The following NR2F1-AS1 variants were observed in gnomAD, a reference collection of about 807,000 sequenced individuals.
NR2F1-AS1 encodes the protein NR2F1 regulatory antisense RNA 1, also known as NR2F1 antisense RNA 1.
chr5:93,516,570 ATAAG>A (rs1399974169), intron 4 of NR2F1-AS1, among the ~76,000 whole-genome samples: 5 of 151,906 alleles, frequency 3.3e-5, no homozygotes, highest in African/African-American at 1.2e-4. Flanking sequence ...TATAAGTTAT[ATAAG>A]TAAGTATAAT....
chr5:93,421,805 C>A (rs1749095047), intron 4 of NR2F1-AS1, among the ~76,000 whole-genome samples: 2 of 152,134 alleles, frequency 1.3e-5, no homozygotes, highest in Non-Finnish European at 2.9e-5. Context: ...TAGTGGGCAG[C>A]AATGAATCTT....
chr5:93,544,319 T>G (rs907426663), intron 4 of NR2F1-AS1, among the ~76,000 whole-genome samples: 3 of 152,160 alleles, frequency 2.0e-5, no homozygotes, highest in East Asian at 3.9e-4. Context: ...TTGTCAAAAG[T>G]TGCATAATCA....
intron 4 of NR2F1-AS1, among the ~76,000 whole-genome samples, chr5:93,436,198 A>T (rs1036235745): frequency 6.6e-6 from 1 of 152,232 alleles, no homozygotes; most frequent in African/African-American, 2.4e-5. Context: ...TGTTTTAAAA[A>T]ACAAACAGAA....
chr5:93,489,152 C>T lies in NR2F1-AS1; in HGVS notation n.638+64609G>A, dbSNP rs1027679259. ...TAGGAGAAATACCTAATGTAGATGA[C>T]GGGTTAAAGGGTGCAGCAAACCACC... On this transcript the variant is annotated intron_variant and non_coding_transcript_variant, in intron 4 of 5. Coordinates refer to ENST00000660523, the Ensembl canonical transcript of NR2F1-AS1. Among the ~76,000 whole-genome samples, 9 of 151,670 alleles carry T rather than the reference C, an allele frequency of 5.9e-5. No individual in the cohort carries two copies. The South Asian group carries it at 6.3e-4, about 11-fold the overall frequency.
At chr5:93,533,433 C>A (rs889915628) in intron 4 of NR2F1-AS1, among the ~76,000 whole-genome samples, 2 of 151,996 alleles carry the variant, frequency 1.3e-5, no homozygotes, top group Non-Finnish European at 2.9e-5. Flanking sequence ...GAAATAAGTA[C>A]AGCACAAATG....
chr5:93,547,315 T>TA (rs1561494297), intron 4 of NR2F1-AS1, among the ~76,000 whole-genome samples: 4 of 152,260 alleles, frequency 2.6e-5, no homozygotes, highest in Non-Finnish European at 5.9e-5. Context: ...TACATGTCGC[T>TA]GTAGACCATT....
At chr5:93,585,517 C>T (rs1395090506), upstream of NR2F1-AS1, 1 of 1,553,730 alleles carries the variant, frequency 6.4e-7, no homozygotes, top group Non-Finnish European at 8.8e-7. Flanking sequence ...TCTCTCCCCG[C>T]GCTTCGCCCG....
chr5:93,557,229 A>C (rs1027199141), intron 2 of NR2F1-AS1, among the ~76,000 whole-genome samples: 1 of 152,226 alleles, frequency 6.6e-6, no homozygotes, highest in Non-Finnish European at 1.5e-5. Flanking sequence ...GTGAATTTTC[A>C]TGCTGTGAAA....
chr5:93,560,713 AT>A (rs1425171499), intron 2 of NR2F1-AS1, among the ~76,000 whole-genome samples: 1 of 152,246 alleles, frequency 6.6e-6, no homozygotes, highest in Non-Finnish European at 1.5e-5. Flanking sequence ...GAAAATACAT[AT>A]TTTGAATTCA....
intron 2 of NR2F1-AS1, among the ~76,000 whole-genome samples, chr5:93,557,978 C>T (rs73133292): frequency 0.094 from 14,299 of 152,104 alleles, 758 homozygotes; most frequent in Middle Eastern, 0.15. Context: ...TTTCCTCATC[C>T]GTAAGAAACA....
chr5:93,414,617 G>T (rs1748929842), intron 4 of NR2F1-AS1, among the ~76,000 whole-genome samples: 1 of 152,246 alleles, frequency 6.6e-6, no homozygotes, highest in South Asian at 2.1e-4. Context: ...TGAACCAATT[G>T]TCATTTCTGT....
At chr5:93,456,183 T>A (rs1454790195) in intron 4 of NR2F1-AS1, among the ~76,000 whole-genome samples, 2 of 152,168 alleles carry the variant, frequency 1.3e-5, no homozygotes, top group Non-Finnish European at 2.9e-5. Context: ...ATGTAAGGAA[T>A]CTACAAAAAA....
chr5:93,508,630 C>G (rs1434232680), intron 4 of NR2F1-AS1, among the ~76,000 whole-genome samples: 1 of 151,736 alleles, frequency 6.6e-6, no homozygotes, highest in African/African-American at 2.4e-5. Flanking sequence ...AGTTTTGAAA[C>G]CTCTATAAAT....
chr5:93,581,961 GTCTCTCTCTCTCTCC>G (rs201289088), upstream of NR2F1-AS1, among the ~76,000 whole-genome samples: 2,262 of 60,026 alleles, frequency 0.038, 75 homozygotes, highest in Middle Eastern at 0.13. Flanking sequence ...CTCTCTCTGG[GTCTCTCTCTCTCTCC>G]TCTCTCTCTC....
intron 4 of NR2F1-AS1, among the ~76,000 whole-genome samples, chr5:93,530,111 T>C (rs998679750): frequency 3.1e-4 from 45 of 147,342 alleles, no homozygotes; most frequent in African/African-American, 1.1e-3. Context: ...GACGGAGTCT[T>C]GCTCTATCGC....
At chr5:93,533,109 T>A (rs1751767605) in intron 4 of NR2F1-AS1, among the ~76,000 whole-genome samples, 1 of 152,234 alleles carries the variant, frequency 6.6e-6, no homozygotes, top group African/African-American at 2.4e-5. Context: ...AATTACTTGA[T>A]TAAATCCATT....
intron 4 of NR2F1-AS1, among the ~76,000 whole-genome samples, chr5:93,413,164 A>G (rs1748895571): frequency 6.7e-6 from 1 of 149,168 alleles, no homozygotes; most frequent in Non-Finnish European, 1.5e-5. Flanking sequence ...TTCTACAGTA[A>G]ATGTCTAAAC....
At chr5:93,513,176 A>G (rs1302586703) in intron 4 of NR2F1-AS1, among the ~76,000 whole-genome samples, 1 of 152,238 alleles carries the variant, frequency 6.6e-6, no homozygotes, top group Non-Finnish European at 1.5e-5. Context: ...GATGCTGGTG[A>G]GGCTGCAGAG....
chr5:93,522,950 G>GT (rs113929098), intron 4 of NR2F1-AS1, among the ~76,000 whole-genome samples: 144 of 146,952 alleles, frequency 9.8e-4, no homozygotes, highest in East Asian at 1.4e-3. Context: ...GCTGCAGGAG[G>GT]TTTTTTTTTT....
Sources: allele counts gnomAD v4.1 joint callset (sites outside exome capture counted in the v4.1 genomes callset), GRCh38; gene constraint gnomAD v4.1.1; transcripts MANE v1.5; gene names NCBI Gene and HGNC (gene_info 2026-07-23, HGNC 2026-07-21).